The following KMO variants were observed in gnomAD, a reference collection of about 807,000 sequenced individuals.
KMO encodes the protein kynurenine 3-hydroxylase.
In KMO, 24 loss-of-function variants were observed where a neutral mutation model predicts 57.8. That is an observed-to-expected ratio of 0.42 (90% CI 0.30 to 0.58). KMO has a LOEUF of 0.58. Ranked by LOEUF, KMO falls within the 20% of genes least tolerant of loss-of-function variation. The probability of loss-of-function intolerance (pLI) is 0.22; values close to 1 mark genes in which losing one functional copy is unlikely to be tolerated. For missense variants in KMO, 483 were observed against 588.2 expected (o/e 0.82, Z 1.85); for synonymous variants, 210 against 193.6 (o/e 1.08, Z -0.70).
intron 6 of KMO, 145 bp from the exon 7 acceptor site, chr1:241,562,022 C>G (rs1188061168): frequency 9.4e-6 from 6 of 641,186 alleles, no homozygotes; most frequent in South Asian, 2.0e-5. Flanking sequence ...AATGTTACAT[C>G]TATTAACTCA....
Position 241,582,782 on chromosome 1 carries a change from C to T in KMO, c.958-3897C>T, listed in dbSNP as rs552994771. On this transcript the variant is annotated intron_variant, in intron 10 of 14. Transcript: ENST00000366559. ...TTGGTCACTGGTGCCTTATTTAGTT[C>T]GTTTGGTAAGGTCATGTTCCTTGGG... Among the ~76,000 whole-genome samples the T allele has an allele frequency of 2.8e-4, 42 of 152,198 alleles. No homozygotes were observed. In the South Asian group the frequency reaches 7.7e-3, roughly 28 times the overall value.
rs1489879501 is a variant in KMO, at chr1:241,586,861, T to C, written c.1015+125T>C. The C allele has an allele frequency of 5.9e-6, 4 of 679,078 alleles. No individual in the cohort carries two copies. The East Asian group carries it at 8.3e-5, about 14-fold the overall frequency. The allele number at this position is 679,078 out of a possible 1,614,324, so 42.1% of individuals were successfully genotyped here. A position where few individuals can be genotyped will look rare whatever the true frequency, so the allele number is the denominator to read the frequency against. Reference sequence around the variant, plus strand: ...TGTATATTATCTCCCCAGGATTACATATTTTTCTACTAATAGTCTATGCCA... The same window carrying C: ...TGTATATTATCTCCCCAGGATTACACATTTTTCTACTAATAGTCTATGCCA... On this transcript the variant is annotated intron_variant, in intron 11 of 14. Transcript: ENST00000366559.
At chr1:241,533,451 G>C (rs1377949453) in intron 1 of KMO, among the ~76,000 whole-genome samples, 1 of 152,146 alleles carries the variant, frequency 6.6e-6, no homozygotes, top group African/African-American at 2.4e-5. Flanking sequence ...GCCTTCCTTA[G>C]TGTCTTTTCC....
chr1:241,551,597 A>T (rs1243532432), intron 4 of KMO, among the ~76,000 whole-genome samples: 14 of 152,262 alleles, frequency 9.2e-5, no homozygotes. Context: ...TCTTTCACAC[A>T]GTAACACACA....
rs1335915318 is a variant in KMO, at chr1:241,592,620, G to C, written c.*467G>C. On this transcript the variant is annotated 3_prime_UTR_variant, in exon 15 of 15. Coordinates refer to ENST00000366559, the MANE Select transcript of KMO (RefSeq NM_003679.5). ...GGCTCAGACTTACTAGATAAAACCA[G>C]AAATGGAAATAAGGAATTCAGGGGA... is the stretch of plus-strand genomic sequence containing the variant. 6.5e-6 allele frequency: 1 copy of C among 154,638 alleles called. No homozygotes were observed. The highest frequency in any genetic ancestry group is 1.4e-5 in the Non-Finnish European group (1 of 69,986). The allele number at this position is 154,638 out of a possible 1,614,324, so 9.6% of individuals were successfully genotyped here.
chr1:241,548,849 C>A lies in KMO; in HGVS notation c.75C>A (p.Cys25Ter). Residue 25 changes from cysteine (C) to a stop codon, truncating the protein, a stop_gained, in exon 2 of 15, where the codon TGC (cysteine) becomes TGA (stop). Coordinates refer to ENST00000366559, the MANE Select transcript of KMO (RefSeq NM_003679.5). LOFTEE classifies it high-confidence loss of function. ...TCTAGGTTGGCTCATTACAAGCATGCTTTCTTGCAAAGAGGAATTTCCAGA... is the reference window on the plus strand; with the variant it reads ...TCTAGGTTGGCTCATTACAAGCATGATTTCTTGCAAAGAGGAATTTCCAGA... Reference protein sequence around the residue: ...GGGLVGSLQACFLAKRNFQID... With the variant: ...GGGLVGSLQA The A allele has an allele frequency of 6.2e-7, 1 of 1,601,636 alleles. No homozygotes were observed. Among genetic ancestry groups the A allele is most frequent in the Non-Finnish European group, 8.6e-7 (1 of 1,169,360 alleles).
intron 10 of KMO, among the ~76,000 whole-genome samples, chr1:241,583,351 C>A (rs769653220): frequency 8.3e-4 from 126 of 152,304 alleles, no homozygotes; most frequent in African/African-American, 2.8e-3. Context: ...AGGTGGTGAA[C>A]CCTGCCAGGA....
chr1:241,593,512 T>A lies in KMO; in HGVS notation c.*1359T>A, dbSNP rs552877776. 25 of 294,658 alleles carry A rather than the reference T, an allele frequency of 8.5e-5. No individual in the cohort carries two copies. The highest frequency in any genetic ancestry group is 7.0e-4 in the South Asian group (22 of 31,512). 18.3% of individuals were successfully genotyped at this position (294,658 alleles called of 1,614,324 possible). On this transcript the variant is annotated 3_prime_UTR_variant, in exon 15 of 15. Transcript: ENST00000366559. Reference sequence around the variant, plus strand: ...CAATGAAAACCTTGAGTTCTAATAATCCATGTTCAGTTTGTAGGGAAAGAA... The same window carrying A: ...CAATGAAAACCTTGAGTTCTAATAAACCATGTTCAGTTTGTAGGGAAAGAA...
intron 10 of KMO, among the ~76,000 whole-genome samples, chr1:241,576,109 G>A (rs761480505): frequency 6.6e-6 from 1 of 151,100 alleles, no homozygotes; most frequent in African/African-American, 2.4e-5. Flanking sequence ...CCATTTGCAT[G>A]GAGTATCTTT....
intron 1 of KMO, among the ~76,000 whole-genome samples, chr1:241,532,925 G>T (rs963080680): frequency 6.6e-6 from 1 of 152,130 alleles, no homozygotes; most frequent in Non-Finnish European, 1.5e-5. Flanking sequence ...AGAATAAAAG[G>T]GTCAAGAAAC....
At position 241,551,052 on chromosome 1, in the gene KMO, T is replaced by C; in HGVS notation, c.312+8T>C. On this transcript the variant is annotated splice_region_variant and intron_variant, in intron 4 of 14. Transcript: ENST00000366559. ...TATGGGACAAAGTCTCAGGTAGGTT[T>C]ACCCCGGAGATCATTGTGCATTGAT... 6.9e-7 allele frequency: 1 copy of C among 1,451,960 alleles called. No individual in the cohort carries two copies. The highest frequency in any genetic ancestry group is 9.5e-7 in the Non-Finnish European group (1 of 1,054,584). The allele number at this position is 1,451,960 out of a possible 1,614,324, so 89.9% of individuals were successfully genotyped here.
Position 241,548,875 on chromosome 1 carries a change from T to C in KMO, c.101T>C (p.Ile34Thr), listed in dbSNP as rs778131618. 2 of 1,607,418 alleles carry C rather than the reference T, an allele frequency of 1.2e-6. No homozygotes were observed. The highest frequency in any genetic ancestry group is 1.7e-5 in the Admixed American group (1 of 59,956). The change falls in exon 2 of 15, where the codon ATT becomes ACT. Residue 34 changes from isoleucine to threonine, a missense_variant. By Grantham distance (89) the Ile-to-Thr change is moderately conservative. Around this residue, in one of 3 missense-constraint regions of KMO, gnomAD observed 70 missense variants for 78.4 expected, o/e 0.89. Coordinates refer to ENST00000366559, the MANE Select transcript of KMO (RefSeq NM_003679.5). The part of the protein sequence containing the change: ...ACFLAKRNFQ[I>T]DVYEAREDTR... The stretch of plus-strand genomic sequence containing the variant: ...TTTCTTGCAAAGAGGAATTTCCAGA[T>C]TGATGTATATGAAGCTAGGGAAGGT...
chr1:241,588,944 C>A, intron 12 of KMO, 114 bp downstream of exon 12: 1 of 699,592 alleles, frequency 1.4e-6, no homozygotes, highest in Non-Finnish European at 2.4e-6. Flanking sequence ...ATAAGAATAC[C>A]TACAGATAAG....
intron 4 of KMO, among the ~76,000 whole-genome samples, chr1:241,554,470 C>T (rs1038282870): frequency 6.6e-6 from 1 of 151,612 alleles, no homozygotes; most frequent in African/African-American, 2.4e-5. Context: ...GACGGGGTTT[C>T]GCCATGTTGG....
chr1:241,594,229 G>A lies in KMO; in HGVS notation c.*2076G>A. On this transcript the variant is annotated 3_prime_UTR_variant, in exon 15 of 15. Coordinates refer to ENST00000366559, the MANE Select transcript of KMO (RefSeq NM_003679.5). ...ACAAGTGGTTTTTTCATTATGTAAAGCACCCGTTGAATTAAAAGAATTTGT... is the reference window on the plus strand; with the variant it reads ...ACAAGTGGTTTTTTCATTATGTAAAACACCCGTTGAATTAAAAGAATTTGT... The A allele has an allele frequency of 3.8e-6, 2 of 528,426 alleles. No individual in the cohort carries two copies. Among genetic ancestry groups the A allele is most frequent in the East Asian group, 6.1e-5 (2 of 32,616 alleles). 32.7% of individuals were successfully genotyped at this position (528,426 alleles called of 1,614,324 possible). A position where few individuals can be genotyped will look rare whatever the true frequency, so the allele number is the denominator to read the frequency against.
chr1:241,558,505 G>A (rs943582467), intron 5 of KMO, among the ~76,000 whole-genome samples: 22 of 151,972 alleles, frequency 1.4e-4, no homozygotes, highest in Admixed American at 5.2e-4. Context: ...TCCCTACGTC[G>A]GCATTTCATG....
intron 12 of KMO, among the ~76,000 whole-genome samples, chr1:241,589,321 AC>A (rs1167744896): frequency 6.6e-6 from 1 of 152,178 alleles, no homozygotes. Context: ...TGAAAAAAAA[AC>A]ATATTAATTC....
At chr1:241,562,129 A>G in intron 6 of KMO, 38 bp from the exon 7 acceptor site, 1 of 1,582,962 alleles carries the variant, frequency 6.3e-7, no homozygotes, top group Non-Finnish European at 8.7e-7. Flanking sequence ...TCACCACTAG[A>G]CATATTTTTC....
intron 10 of KMO, among the ~76,000 whole-genome samples, chr1:241,579,103 T>C (rs934321520): frequency 1.3e-5 from 2 of 152,054 alleles, no homozygotes; most frequent in Non-Finnish European, 2.9e-5. Context: ...AGCCAAACCA[T>C]ATCACAGTGA....
Sources: gnomAD v4.1 joint callset for allele counts (sites outside exome capture counted in the v4.1 genomes callset) on GRCh38, gnomAD v4.1.1 for gene constraint, gnomAD v4.1.1 regional missense constraint, MANE v1.5 for transcripts, NCBI Gene and HGNC (gene_info 2026-07-23, HGNC 2026-07-21) for gene names.